The following LRP1B variants were observed in gnomAD, a reference collection of about 807,000 sequenced individuals.
LRP1B encodes the protein LDL receptor related protein 1B.
In LRP1B, 217 loss-of-function variants were observed where a neutral mutation model predicts 556.6. The observed-to-expected ratio is 0.39, with a 90% CI of 0.35 to 0.44. The LOEUF (loss-of-function observed/expected upper bound fraction) is 0.44. Ranked by LOEUF, LRP1B falls within the 20% of genes least tolerant of loss-of-function variation. LRP1B has a pLI of 1.00. For missense variants in LRP1B, 5,053 were observed against 5,620.8 expected (o/e 0.90, Z 3.23); for synonymous variants, 2,047 against 1,865.8 (o/e 1.10, Z -2.50).
At chr2:141,134,101 C>T (rs72992726) in intron 7 of LRP1B, among the ~76,000 whole-genome samples, 34,114 of 151,518 alleles carry the variant, frequency 0.23, 4,519 homozygotes, top group African/African-American at 0.36. Flanking sequence ...TACCCGCCAC[C>T]GCCCACCCTC....
intron 57 of LRP1B, among the ~76,000 whole-genome samples, chr2:140,488,383 T>G (rs1688564862): frequency 6.6e-6 from 1 of 152,042 alleles, no homozygotes; most frequent in Non-Finnish European, 1.5e-5. Context: ...CATGTTTTTA[T>G]TCCACATGGT....
At chr2:141,532,746 G>C (rs2105194688) in intron 2 of LRP1B, among the ~76,000 whole-genome samples, 1 of 152,248 alleles carries the variant, frequency 6.6e-6, no homozygotes, top group African/African-American at 2.4e-5. Context: ...AGCACTTTGG[G>C]AGGTCAAGGC....
intron 66 of LRP1B, among the ~76,000 whole-genome samples, chr2:140,435,930 T>C (rs1686158167): frequency 6.6e-6 from 1 of 151,962 alleles, no homozygotes; most frequent in African/African-American, 2.4e-5. Flanking sequence ...GCAAAATAAA[T>C]GCCATTATGC....
At chr2:140,320,902 CAA>C (rs879317559) in intron 82 of LRP1B, among the ~76,000 whole-genome samples, 1 of 150,136 alleles carries the variant, frequency 6.7e-6, no homozygotes, top group African/African-American at 2.5e-5. Flanking sequence ...CACACACACA[CAA>C]AATTATCCAG....
intron 1 of LRP1B, among the ~76,000 whole-genome samples, chr2:142,020,921 A>G (rs907167093): frequency 1.3e-5 from 2 of 152,214 alleles, no homozygotes; most frequent in African/African-American, 4.8e-5. Context: ...AGCAGCTAGT[A>G]AATGTTCATT....
chr2:141,706,226 T>C (rs1231989210), intron 2 of LRP1B, among the ~76,000 whole-genome samples: 6 of 152,200 alleles, frequency 3.9e-5, no homozygotes, highest in South Asian at 4.1e-4. Flanking sequence ...CGCTGAGGAA[T>C]AAATTAGGAC....
chr2:140,903,622 T>A (rs1194037539), intron 22 of LRP1B, among the ~76,000 whole-genome samples: 3 of 152,210 alleles, frequency 2.0e-5, no homozygotes, highest in Admixed American at 6.5e-5. Flanking sequence ...TATGTGAATA[T>A]ATGTGTCTAT....
Position 141,225,275 on chromosome 2 carries a change from T to C in LRP1B, c.850+3908A>G, listed in dbSNP as rs116403475. On this transcript the variant is annotated intron_variant, in intron 6 of 90. Transcript: ENST00000389484. Reference sequence around the variant, plus strand: ...AAATCTTAAATGTGATCCTTGAGTTTTTCAGAGTATTGAAGAATTCACCCA... The same window carrying C: ...AAATCTTAAATGTGATCCTTGAGTTCTTCAGAGTATTGAAGAATTCACCCA... 6.2e-3 allele frequency among the ~76,000 whole-genome samples: 949 copies of C among 152,260 alleles called. 10 individuals carry two copies. The highest frequency in any genetic ancestry group is 0.022 in the African/African-American group (901 of 41,558).
chr2:141,865,329 A>G (rs1698372872), intron 1 of LRP1B, among the ~76,000 whole-genome samples: 1 of 152,090 alleles, frequency 6.6e-6, no homozygotes, highest in South Asian at 2.1e-4. Flanking sequence ...GCGGTGGCTC[A>G]CGCCTGTAAT....
intron 66 of LRP1B, among the ~76,000 whole-genome samples, chr2:140,421,075 G>C (rs1359563326): frequency 3.9e-5 from 6 of 152,078 alleles, no homozygotes; most frequent in Non-Finnish European, 8.8e-5. Flanking sequence ...GGCCAACATG[G>C]TGAAATCCCA....
At chr2:141,775,925 C>T (rs1334783083) in intron 2 of LRP1B, among the ~76,000 whole-genome samples, 7 of 151,086 alleles carry the variant, frequency 4.6e-5, no homozygotes, top group African/African-American at 7.3e-5. Flanking sequence ...TCACTGCAAG[C>T]TCCGCCTCCT....
At chr2:141,131,567 A>G (rs1024819382) in intron 7 of LRP1B, among the ~76,000 whole-genome samples, 9 of 151,632 alleles carry the variant, frequency 5.9e-5, no homozygotes, top group Admixed American at 5.3e-4. Context: ...ATTATTTTAC[A>G]TTCTATACAA....
Position 140,661,406 on chromosome 2 carries a change from T to C in LRP1B, c.6799+38844A>G, listed in dbSNP as rs1435052042. On this transcript the variant is annotated intron_variant, in intron 41 of 90. Transcript: ENST00000389484. ...TGGGCATGATGGCTCATGCCTATAA[T>C]CCCAGCACTTAGGGAGGCCAAGACA... 5.3e-5 allele frequency among the ~76,000 whole-genome samples: 8 copies of C among 150,906 alleles called. No individual in the cohort carries two copies. The East Asian group carries it at 1.6e-3, about 30-fold the overall frequency.
intron 84 of LRP1B, among the ~76,000 whole-genome samples, chr2:140,275,591 C>G (rs1222948807): frequency 1.3e-5 from 2 of 151,908 alleles, no homozygotes; most frequent in Non-Finnish European, 2.9e-5. Flanking sequence ...TTTCTGCATG[C>G]CTGAGCAGGT....
intron 2 of LRP1B, among the ~76,000 whole-genome samples, chr2:141,673,567 A>G (rs1690758384): frequency 6.6e-6 from 1 of 152,152 alleles, no homozygotes. Context: ...GAATGTAATA[A>G]TCAAACACTG....
chr2:141,078,660 G>T (rs1183199983), intron 7 of LRP1B, among the ~76,000 whole-genome samples: 2 of 152,126 alleles, frequency 1.3e-5, no homozygotes, highest in Non-Finnish European at 2.9e-5. Context: ...CATGAAGAAA[G>T]AAGTGTTCTC....
chr2:140,489,343 T>G (rs1688604918), intron 57 of LRP1B, among the ~76,000 whole-genome samples: 1 of 152,156 alleles, frequency 6.6e-6, no homozygotes, highest in African/African-American at 2.4e-5. Flanking sequence ...TATAGCTCAG[T>G]GCAAATTCCT....
chr2:142,043,245 T>C (rs1009556665), intron 1 of LRP1B, among the ~76,000 whole-genome samples: 13 of 151,616 alleles, frequency 8.6e-5, no homozygotes, highest in African/African-American at 2.9e-4. Context: ...ACAATCCATA[T>C]AAACTTTGCA....
rs191855771 is a variant in LRP1B at position 141,287,480 on chromosome 2, G to A, written c.344-32839C>T. Among the ~76,000 whole-genome samples the A allele has an allele frequency of 3.5e-3, 530 of 151,960 alleles. 5 individuals carry two copies. The highest frequency in any genetic ancestry group is 5.8e-3 in the Non-Finnish European group (397 of 67,960). On this transcript the variant is annotated intron_variant, in intron 3 of 90. Transcript: ENST00000389484. ...TGGGACTACAGGTGCCCACCACCAT[G>A]CCCTATTTTTGCTTTCTAATATAAA... is the stretch of plus-strand genomic sequence containing the variant.
Sources: gnomAD v4.1 joint callset for allele counts (sites outside exome capture counted in the v4.1 genomes callset) on GRCh38, gnomAD v4.1.1 for gene constraint, MANE v1.5 for transcripts, NCBI Gene and HGNC (gene_info 2026-07-23, HGNC 2026-07-21) for gene names.